Variants in YBEY observed in about 807,000 individuals in gnomAD.
YBEY encodes the protein ybeY metalloendoribonuclease.
Under a neutral mutation model 13.5 loss-of-function variants are expected in YBEY, and 15 were observed. The ratio of observed to expected loss-of-function variants is 1.11; its 90% confidence interval spans 0.75 to 1.72. The LOEUF (loss-of-function observed/expected upper bound fraction) is 1.72, where lower values mean the gene tolerates loss of function less well. YBEY is among the 40% of genes most tolerant of loss of function. The pLI is 0.00. For missense variants in YBEY, 244 were observed against 208.4 expected (o/e 1.17, Z -1.05); for synonymous variants, 101 against 83.1 (o/e 1.21, Z -1.17).
downstream of YBEY, chr21:46,302,070 CATG>C (rs929944374): frequency 1.4e-6 from 2 of 1,476,658 alleles, no homozygotes; most frequent in South Asian, 1.3e-5. Context: ...GGCCACACAG[CATG>C]GTGGTGGTGG....
chr21:46,310,076 T>G, the YBEY span, among the ~76,000 whole-genome samples: 1 of 152,090 alleles, frequency 6.6e-6, no homozygotes, highest in African/African-American at 2.4e-5. Flanking sequence ...AGCAGTTGCA[T>G]GGGGGTGTAG....
chr21:46,311,031 T>G, the YBEY span, among the ~76,000 whole-genome samples: 1 of 151,642 alleles, frequency 6.6e-6, no homozygotes, highest in Non-Finnish European at 1.5e-5. Context: ...ATCACCATGG[T>G]GAGCTGGTTT....
chr21:46,295,131 CCTAAGATT>C (rs1431988858), intron 3 of YBEY, among the ~76,000 whole-genome samples: 1 of 152,158 alleles, frequency 6.6e-6, no homozygotes, highest in African/African-American at 2.4e-5. Context: ...TTTCCCCAAA[CCTAAGATT>C]CTGTTCCCTG....
rs530846715 is a variant in YBEY at position 46,287,125 on chromosome 21, T to TTAAAAA, written c.210+2_210+3insTAAAAA. ...GTGCTTTCTTTTCCATTTCATGAGG[T>TTAAAAA]AAAAAAAAAATGTTCCTCTTCTTGT... On this transcript the variant is annotated splice_region_variant and intron_variant, in intron 2 of 4. Coordinates refer to ENST00000397701, the MANE Select transcript of YBEY (RefSeq NM_001314025.2). 18 of 1,508,930 alleles carry TTAAAAA rather than the reference T, an allele frequency of 1.2e-5. No individual in the cohort carries two copies. The highest frequency in any genetic ancestry group is 5.0e-5 in the South Asian group (4 of 80,526). 93.5% of individuals were successfully genotyped at this position (1,508,930 alleles called of 1,614,324 possible). A position where few individuals can be genotyped will look rare whatever the true frequency, so the allele number is the denominator to read the frequency against.
At chr21:46,303,773 A>C in the YBEY span, among the ~76,000 whole-genome samples, 1 of 93,180 alleles carries the variant, frequency 1.1e-5, no homozygotes, top group Non-Finnish European at 2.1e-5. Context: ...TTTTTTGGAG[A>C]CAGAGTCTTG....
At chr21:46,303,741 ATATATTTTTTTTTTTT>A in the YBEY span, among the ~76,000 whole-genome samples, 1,089 of 24,258 alleles carry the variant, frequency 0.045, 31 homozygotes, top group African/African-American at 0.085. Flanking sequence ...ATATATATAT[ATATATTTTTTTTTTTT>A]TTTTTTTTTT....
chr21:46,294,478 ACG>A lies in YBEY; in HGVS notation c.340-1682_340-1681del, dbSNP rs1307036915. 2.2e-4 allele frequency among the ~76,000 whole-genome samples: 15 copies of A among 68,898 alleles called. 1 individual carries two copies. The highest frequency in any genetic ancestry group is 7.2e-4 in the African/African-American group (12 of 16,666). 45.2% of individuals were successfully genotyped at this position (68,898 alleles called of 152,430 possible). A position where few individuals can be genotyped will look rare whatever the true frequency, so the allele number is the denominator to read the frequency against. The stretch of plus-strand genomic sequence containing the variant: ...TGCCCGGGACTCAGTGGGGACAGCC[ACG>A]CAAGTTAGACTCTAGATTAAATTCC... On this transcript the variant is annotated intron_variant, in intron 3 of 4. Coordinates refer to ENST00000397701, the MANE Select transcript of YBEY (RefSeq NM_001314025.2).
the YBEY span, among the ~76,000 whole-genome samples, chr21:46,308,188 C>T: frequency 6.6e-6 from 1 of 152,052 alleles, no homozygotes; most frequent in Non-Finnish European, 1.5e-5. Flanking sequence ...GCTGCCCAGG[C>T]GCGGTGGCTC....
the YBEY span, among the ~76,000 whole-genome samples, chr21:46,303,745 A>ATATATTT: frequency 8.4e-5 from 2 of 23,820 alleles, no homozygotes; most frequent in African/African-American, 1.7e-4. Context: ...ATATATATAT[A>ATATATTT]TTTTTTTTTT....
At chr21:46,309,242 T>C in the YBEY span, among the ~76,000 whole-genome samples, 1 of 151,840 alleles carries the variant, frequency 6.6e-6, no homozygotes, top group East Asian at 1.9e-4. Context: ...AGGCAGATCA[T>C]CTGAGGTCAG....
the YBEY span, among the ~76,000 whole-genome samples, chr21:46,312,038 C>CCCAACCAA: frequency 1.6e-5 from 2 of 128,064 alleles, no homozygotes; most frequent in Non-Finnish European, 3.3e-5. Flanking sequence ...CATCCACCTA[C>CCCAACCAA]CCAACCAACC....
At chr21:46,295,050 C>G (rs534879145) in intron 3 of YBEY, among the ~76,000 whole-genome samples, 1 of 152,146 alleles carries the variant, frequency 6.6e-6, no homozygotes, top group Non-Finnish European at 1.5e-5. Context: ...GTGGCCCAGC[C>G]GGAGATTCAG....
chr21:46,291,886 G>C, intron 3 of YBEY: 1 of 995,996 alleles, frequency 1.0e-6, no homozygotes, highest in Non-Finnish European at 1.2e-6. Context: ...CCAATTCACT[G>C]CAATTGTGGT....
chr21:46,290,018 A>C (rs138159575), intron 2 of YBEY, among the ~76,000 whole-genome samples: 109 of 129,336 alleles, frequency 8.4e-4, no homozygotes, highest in South Asian at 1.8e-3. Context: ...CCTTTGTGCA[A>C]GGTTGCAGTT....
intron 3 of YBEY, among the ~76,000 whole-genome samples, chr21:46,294,451 CGTGCCCGGG>C (rs1167687314): frequency 1.7e-4 from 12 of 70,516 alleles, no homozygotes; most frequent in African/African-American, 4.8e-4. Flanking sequence ...TAGCCTGACC[CGTGCCCGGG>C]ACTCAGTGGG....
downstream of YBEY, among the ~76,000 whole-genome samples, chr21:46,298,065 C>A (rs1020463468): frequency 6.6e-6 from 1 of 152,222 alleles, no homozygotes; most frequent in Non-Finnish European, 1.5e-5. Flanking sequence ...TTCATCAGGG[C>A]AGCGCGTCGC....
chr21:46,303,729 ATATATATATATATATATTTT>A, the YBEY span, among the ~76,000 whole-genome samples: 20 of 27,186 alleles, frequency 7.4e-4, no homozygotes, highest in African/African-American at 2.3e-3. Flanking sequence ...ATATATATAT[ATATATATATATATATATTTT>A]TTTTTTTTTT....
rs369338261 is a variant in YBEY at position 46,292,426 on chromosome 21, C to T, written c.339+964C>T. The stretch of plus-strand genomic sequence containing the variant: ...TTCACAAGCTTCACAGAGGTGGCTT[C>T]GGTCTTGAGCAAGGAGGGGATTCGT... On this transcript the variant is annotated intron_variant, in intron 3 of 4. Coordinates refer to ENST00000397701, the MANE Select transcript of YBEY (RefSeq NM_001314025.2). Among the ~76,000 whole-genome samples the T allele has an allele frequency of 3.5e-4, 54 of 152,276 alleles. 1 individual carries two copies. Among genetic ancestry groups the T allele is most frequent in the Admixed American group, 8.5e-4 (13 of 15,290 alleles).
rs573749876 is a variant in YBEY at position 46,290,784 on chromosome 21, G to A, written c.211-550G>A. On this transcript the variant is annotated intron_variant, in intron 2 of 4. Transcript: ENST00000397701. ...AATTAGGCCAGACGCGGTGGCTCAC[G>A]CCTGTAATCCCAGCACTTTCGGAGG... Among the ~76,000 whole-genome samples, 183 of 151,906 alleles carry A rather than the reference G, an allele frequency of 1.2e-3. 2 individuals are homozygous for A. Among genetic ancestry groups the A allele is most frequent in the African/African-American group, 4.2e-3 (173 of 41,480 alleles).
Sources: gnomAD v4.1 joint callset for allele counts (sites outside exome capture counted in the v4.1 genomes callset) on GRCh38, gnomAD v4.1.1 for gene constraint, MANE v1.5 for transcripts, NCBI Gene and HGNC (gene_info 2026-07-23, HGNC 2026-07-21) for gene names.